The following MTREX variants were observed in gnomAD, a reference collection of about 807,000 sequenced individuals.
MTREX encodes the protein exosome RNA helicase MTR4.
A neutral mutation model predicts 135.4 loss-of-function variants in MTREX; 76 were observed. The ratio of observed to expected loss-of-function variants is 0.56; its 90% CI spans 0.47 to 0.68. The LOEUF is 0.68. Ranked by LOEUF, MTREX falls within the 30% of genes least tolerant of loss-of-function variation. The probability of loss-of-function intolerance (pLI) is 0.00; values close to 1 mark genes in which losing one functional copy is unlikely to be tolerated. For missense variants in MTREX, 920 were observed against 1,262.1 expected (o/e 0.73, Z 4.11); for synonymous variants, 404 against 401.6 (o/e 1.01, Z -0.07).
At chr5:55,327,180 T>C (rs754070481) in intron 3 of MTREX, among the ~76,000 whole-genome samples, 15 of 152,328 alleles carry the variant, frequency 9.8e-5, no homozygotes, top group Non-Finnish European at 1.6e-4. Context: ...GTCTTTGTAG[T>C]AGAAAGATTT....
intron 5 of MTREX, among the ~76,000 whole-genome samples, chr5:55,336,542 T>G (rs1749556278): frequency 6.6e-6 from 1 of 152,254 alleles, no homozygotes; most frequent in African/African-American, 2.4e-5. Flanking sequence ...TTTCTGATTT[T>G]AAACCAACCT....
chr5:55,399,526 C>T (rs186828792), intron 20 of MTREX, among the ~76,000 whole-genome samples: 15 of 152,130 alleles, frequency 9.9e-5, no homozygotes, highest in South Asian at 2.1e-4. Context: ...CTTGCTCTGT[C>T]GCTCAAGCCA....
intron 25 of MTREX, among the ~76,000 whole-genome samples, chr5:55,420,693 C>G (rs1398675865): frequency 1.3e-5 from 2 of 152,128 alleles, no homozygotes; most frequent in Non-Finnish European, 2.9e-5. Context: ...GACGTGGTTG[C>G]CATGGGCTGG....
chr5:55,376,338 C>CA (rs958464925), intron 16 of MTREX, among the ~76,000 whole-genome samples: 2 of 152,226 alleles, frequency 1.3e-5, no homozygotes, highest in African/African-American at 4.8e-5. Context: ...GTTCAAGACT[C>CA]ATTACCCGAT....
chr5:55,387,580 T>C (rs1750498312), intron 18 of MTREX, among the ~76,000 whole-genome samples: 1 of 152,060 alleles, frequency 6.6e-6, no homozygotes, highest in Non-Finnish European at 1.5e-5. Context: ...ACAATAAAAA[T>C]TGGAACCACA....
intron 6 of MTREX, among the ~76,000 whole-genome samples, chr5:55,341,473 A>C (rs1166301022): frequency 1.3e-5 from 2 of 152,182 alleles, no homozygotes; most frequent in African/African-American, 4.8e-5. Flanking sequence ...GAAAAGGAAT[A>C]TACAATATAA....
At chr5:55,399,132 C>CTA (rs1750686152) in intron 20 of MTREX, among the ~76,000 whole-genome samples, 2 of 152,158 alleles carry the variant, frequency 1.3e-5, no homozygotes, top group South Asian at 4.1e-4. Flanking sequence ...TTTGTGCTGA[C>CTA]ACTAGCCTGC....
At chr5:55,419,313 A>G (rs964094005) in intron 25 of MTREX, among the ~76,000 whole-genome samples, 3 of 152,250 alleles carry the variant, frequency 2.0e-5, no homozygotes, top group Non-Finnish European at 2.9e-5. Context: ...TATGAAAATA[A>G]AAGTGTCTGG....
At chr5:55,322,106 A>G (rs1184702904) in intron 1 of MTREX, among the ~76,000 whole-genome samples, 1 of 152,204 alleles carries the variant, frequency 6.6e-6, no homozygotes, top group Non-Finnish European at 1.5e-5. Context: ...TTTTAAGATA[A>G]TTTTAAACCG....
Position 55,353,158 on chromosome 5 carries a change from A to G in MTREX, c.1432-10A>G. The stretch of plus-strand genomic sequence containing the variant: ...TACATGTTTAATTATAGAATTACTT[A>G]TTTACTTAGGCCTTATTTGCCACGG... On this transcript the variant is annotated splice_polypyrimidine_tract_variant and intron_variant, in intron 13 of 26. Coordinates refer to ENST00000230640, the MANE Select transcript of MTREX (RefSeq NM_015360.5). The G allele has an allele frequency of 1.3e-6, 2 of 1,543,252 alleles. No homozygotes were observed. The highest frequency in any genetic ancestry group is 1.7e-6 in the Non-Finnish European group (2 of 1,143,552).
rs368470883 is a variant in MTREX, at chr5:55,311,026, C to G, written c.134+2879C>G. Among the ~76,000 whole-genome samples, 201 of 152,290 alleles carry G rather than the reference C, an allele frequency of 1.3e-3. 1 individual carries two copies. The highest frequency in any genetic ancestry group is 0.011 in the South Asian group (52 of 4,824). ...CAAACTCCTGGCCTCAAGCAGTCCTCCCACCTTGGCCTCTGAAAGTGTTGG... is the reference window on the plus strand; with the variant it reads ...CAAACTCCTGGCCTCAAGCAGTCCTGCCACCTTGGCCTCTGAAAGTGTTGG... On this transcript the variant is annotated intron_variant, in intron 1 of 26. Coordinates refer to ENST00000230640, the MANE Select transcript of MTREX (RefSeq NM_015360.5).
At chr5:55,408,842 T>G (rs1012189303) in intron 22 of MTREX, among the ~76,000 whole-genome samples, 1 of 152,118 alleles carries the variant, frequency 6.6e-6, no homozygotes, top group Non-Finnish European at 1.5e-5. Flanking sequence ...GTGATAATGG[T>G]GAGATTGATT....
Position 55,425,031 on chromosome 5 carries a change from A to T in MTREX, c.*259A>T. ...TTTTTAATGAGTTTAGAGCTATTAG[A>T]TAACCACTGAGTTAAAGGTAACTAT... On this transcript the variant is annotated 3_prime_UTR_variant, in exon 27 of 27. Transcript: ENST00000230640. The T allele has an allele frequency of 1.1e-6, 1 of 877,378 alleles. No individual in the cohort carries two copies. The highest frequency in any genetic ancestry group is 1.7e-6 in the Non-Finnish European group (1 of 576,176). The allele number at this position is 877,378 out of a possible 1,614,324, so 54.3% of individuals were successfully genotyped here.
intron 16 of MTREX, among the ~76,000 whole-genome samples, chr5:55,373,670 A>G (rs1481122939): frequency 4.6e-5 from 7 of 152,132 alleles, no homozygotes; most frequent in Non-Finnish European, 8.8e-5. Context: ...TAAAAATTTC[A>G]ATTTGTTAAA....
At chr5:55,374,271 T>C (rs1032190491) in intron 16 of MTREX, among the ~76,000 whole-genome samples, 1 of 146,418 alleles carries the variant, frequency 6.8e-6, no homozygotes, top group African/African-American at 2.5e-5. Context: ...CATTTATATA[T>C]ATATATATAT....
intron 19 of MTREX, among the ~76,000 whole-genome samples, chr5:55,392,864 A>G (rs1263252799): frequency 6.6e-6 from 1 of 152,066 alleles, no homozygotes; most frequent in Non-Finnish European, 1.5e-5. Flanking sequence ...GTCATTCACA[A>G]CCTCAGGCAG....
At chr5:55,397,365 TATGAAC>T in intron 19 of MTREX, 45 bp from the exon 20 acceptor site, 1 of 1,185,420 alleles carries the variant, frequency 8.4e-7, no homozygotes. Context: ...AATAGTAGAA[TATGAAC>T]ATGTGCAAAT....
chr5:55,374,495 A>G (rs913335350), intron 16 of MTREX, among the ~76,000 whole-genome samples: 7 of 151,874 alleles, frequency 4.6e-5, no homozygotes, highest in South Asian at 2.1e-4. Flanking sequence ...TGTCTCTCCC[A>G]GGCTGGTCTT....
chr5:55,382,871 T>C (rs529451133), intron 18 of MTREX, among the ~76,000 whole-genome samples: 1 of 152,322 alleles, frequency 6.6e-6, no homozygotes, highest in African/African-American at 2.4e-5. Flanking sequence ...TAACCTCAGG[T>C]AATCCAGCTG....
Sources: gnomAD v4.1 joint callset for allele counts (sites outside exome capture counted in the v4.1 genomes callset) on GRCh38, gnomAD v4.1.1 for gene constraint, MANE v1.5 for transcripts, NCBI Gene and HGNC (gene_info 2026-07-23, HGNC 2026-07-21) for gene names.